The following SHISA9 variants were observed in gnomAD, a reference collection of about 807,000 sequenced individuals.
The protein encoded by SHISA9 is protein shisa-9.
In SHISA9, 13 loss-of-function variants were observed where a neutral mutation model predicts 38.0. The observed-to-expected ratio is 0.34, with a 90% confidence interval of 0.22 to 0.54. The LOEUF is 0.54. SHISA9 is among the 20% of genes least tolerant of loss of function. The pLI, the probability that SHISA9 is intolerant of heterozygous loss-of-function variation, is 0.91. For synonymous variants in SHISA9, 275 were observed against 242.0 expected, an observed-to-expected ratio of 1.14 and a Z score of -1.27; for missense variants, 538 against 575.8, an observed-to-expected ratio of 0.93 and a Z score of 0.67.
At chr16:13,316,160 C>T in the SHISA9 span, among the ~76,000 whole-genome samples, 5 of 152,096 alleles carry the variant, frequency 3.3e-5, no homozygotes, top group African/African-American at 1.2e-4. Flanking sequence ...GGTTGCTACC[C>T]ACAGTCTGGA....
chr16:12,969,308 A>T (rs1402631435), intron 2 of SHISA9, among the ~76,000 whole-genome samples: 1 of 151,772 alleles, frequency 6.6e-6, no homozygotes, highest in Non-Finnish European at 1.5e-5. Flanking sequence ...TGGTTAATGT[A>T]AAAAAAAGCA....
At chr16:13,172,131 T>C (rs892722871) in intron 2 of SHISA9, among the ~76,000 whole-genome samples, 3 of 152,218 alleles carry the variant, frequency 2.0e-5, no homozygotes, top group African/African-American at 7.2e-5. Context: ...ATCTTGCTTC[T>C]TTTAACTTTA....
chr16:13,070,691 T>C (rs1383552067), intron 2 of SHISA9, among the ~76,000 whole-genome samples: 2 of 152,166 alleles, frequency 1.3e-5, no homozygotes, highest in Admixed American at 6.5e-5. Context: ...TTTGCTAAGC[T>C]CTTTATAGGC....
the SHISA9 span, among the ~76,000 whole-genome samples, chr16:13,539,842 G>A: frequency 1.3e-5 from 2 of 152,096 alleles, no homozygotes; most frequent in African/African-American, 2.4e-5. Flanking sequence ...ATGAGAACAC[G>A]CCATGTTTGG....
intron 2 of SHISA9, among the ~76,000 whole-genome samples, chr16:13,162,894 G>A (rs1423350056): frequency 1.3e-5 from 2 of 151,764 alleles, no homozygotes; most frequent in Non-Finnish European, 2.9e-5. Context: ...TTATCACCTT[G>A]GAGCCGTTAT....
At chr16:13,077,841 G>C (rs1391736848) in intron 2 of SHISA9, among the ~76,000 whole-genome samples, 1 of 152,076 alleles carries the variant, frequency 6.6e-6, no homozygotes. Flanking sequence ...GATTAATTGG[G>C]GGCAGAAAGT....
intron 2 of SHISA9, among the ~76,000 whole-genome samples, chr16:13,126,916 G>A (rs2050263454): frequency 1.4e-5 from 2 of 146,754 alleles, no homozygotes; most frequent in Admixed American, 6.8e-5. Flanking sequence ...GAGAGAGAGA[G>A]ACTGAGGGAA....
intron 4 of SHISA9, among the ~76,000 whole-genome samples, chr16:13,223,678 T>C (rs535538733): frequency 1.3e-4 from 20 of 152,272 alleles, no homozygotes; most frequent in Middle Eastern, 3.4e-3. Context: ...GGGTAATTTA[T>C]AAAGGAAAGA....
chr16:13,301,610 A>G, the SHISA9 span, among the ~76,000 whole-genome samples: 1 of 152,220 alleles, frequency 6.6e-6, no homozygotes, highest in Admixed American at 6.5e-5. Context: ...GGTTTTATAG[A>G]TAATATTGCT....
chr16:13,026,849 T>G (rs1003215051), intron 2 of SHISA9, among the ~76,000 whole-genome samples: 2 of 152,184 alleles, frequency 1.3e-5, no homozygotes, highest in Non-Finnish European at 2.9e-5. Context: ...TAGTATTATT[T>G]CCATTTTATA....
the SHISA9 span, among the ~76,000 whole-genome samples, chr16:13,552,727 G>A: frequency 6.6e-6 from 1 of 152,028 alleles, no homozygotes; most frequent in African/African-American, 2.4e-5. Context: ...TTTTTTTAAA[G>A]CCTTATTTTT....
the SHISA9 span, among the ~76,000 whole-genome samples, chr16:13,506,615 T>C: frequency 7.9e-5 from 12 of 152,132 alleles, no homozygotes; most frequent in Non-Finnish European, 1.3e-4. Flanking sequence ...AGAATGTGCC[T>C]GGCATGTTTA....
At chr16:13,314,394 T>TTAG in the SHISA9 span, among the ~76,000 whole-genome samples, 261 of 151,690 alleles carry the variant, frequency 1.7e-3, 1 homozygote, top group African/African-American at 5.7e-3. Flanking sequence ...ATTATTACTA[T>TTAG]TAGTAGTAGT....
chr16:13,548,727 G>A, the SHISA9 span, among the ~76,000 whole-genome samples: 1 of 152,090 alleles, frequency 6.6e-6, no homozygotes, highest in South Asian at 2.1e-4. Flanking sequence ...TGCCAGAGAT[G>A]TGGAGAAAGG....
At chr16:13,423,329 T>G in the SHISA9 span, among the ~76,000 whole-genome samples, 110 of 152,334 alleles carry the variant, frequency 7.2e-4, no homozygotes, top group African/African-American at 2.6e-3. Flanking sequence ...TTGTTTTCTT[T>G]ATTTTTGTTT....
the SHISA9 span, among the ~76,000 whole-genome samples, chr16:13,456,391 C>T: frequency 6.6e-6 from 1 of 152,118 alleles, no homozygotes; most frequent in African/African-American, 2.4e-5. Flanking sequence ...CATGTTTTTT[C>T]CTCCACCATT....
intron 2 of SHISA9, among the ~76,000 whole-genome samples, chr16:13,067,135 A>C (rs1390486487): frequency 6.6e-6 from 1 of 152,176 alleles, no homozygotes; most frequent in Non-Finnish European, 1.5e-5. Flanking sequence ...GAAGTGGATA[A>C]CACCTTGAAG....
chr16:12,902,304 C>T lies in SHISA9; in HGVS notation c.240C>T (p.Val80=), dbSNP rs1181178458. 1 of 1,550,734 alleles carries T rather than the reference C, an allele frequency of 6.4e-7. No homozygotes were observed. Among genetic ancestry groups the T allele is most frequent in the South Asian group, 1.2e-5 (1 of 84,066 alleles). The part of the protein sequence containing the change: ...TPDFCRGYFD[V]MGQWDPPFNC... The stretch of plus-strand genomic sequence containing the variant: ...ACTTCTGCCGGGGCTACTTCGATGT[C>T]ATGGGCCAGTGGGACCCGCCGTTCA... Residue 80 remains valine (V), a synonymous_variant, in exon 1 of 5, where the codon GTC becomes GTT. Transcript: ENST00000558583.
intron 2 of SHISA9, among the ~76,000 whole-genome samples, chr16:12,943,138 C>T (rs1250280665): frequency 6.6e-6 from 1 of 152,062 alleles, no homozygotes; most frequent in Non-Finnish European, 1.5e-5. Flanking sequence ...ATGCCCATTC[C>T]TGCACCAGTC....
Sources: gnomAD v4.1 joint callset for allele counts (sites outside exome capture counted in the v4.1 genomes callset) on GRCh38, gnomAD v4.1.1 for gene constraint, MANE v1.5 for transcripts, NCBI Gene and HGNC (gene_info 2026-07-23, HGNC 2026-07-21) for gene names.